GRIK2: variants seen among roughly 807,000 people sequenced by gnomAD.
The protein encoded by GRIK2 is glutamate receptor ionotropic, kainate 2.
A neutral mutation model predicts 100.3 loss-of-function variants in GRIK2; 32 were observed. That is an observed-to-expected ratio of 0.32 (90% CI 0.24 to 0.43). GRIK2 has a LOEUF of 0.43. Ranked by LOEUF, GRIK2 falls within the 20% of genes least tolerant of loss-of-function variation. GRIK2 has a pLI of 1.00. For missense variants in GRIK2, 843 were observed against 1,114.9 expected, an observed-to-expected ratio of 0.76 and a Z score of 3.47; for synonymous variants, 417 against 389.4, an observed-to-expected ratio of 1.07 and a Z score of -0.83.
chr6:101,456,271 T>C (rs1194764687), intron 2 of GRIK2, among the ~76,000 whole-genome samples: 2 of 151,984 alleles, frequency 1.3e-5, no homozygotes, highest in Non-Finnish European at 2.9e-5. Context: ...GACCCAGAAA[T>C]TAGGTCTGAA....
At chr6:101,455,057 CCT>C in intron 2 of GRIK2, among the ~76,000 whole-genome samples, 1 of 152,040 alleles carries the variant, frequency 6.6e-6, no homozygotes, top group African/African-American at 2.4e-5. Flanking sequence ...CTACATTTTA[CCT>C]ACTGGATTTG....
At chr6:101,895,568 AATT>A (rs1185191011) in intron 12 of GRIK2, among the ~76,000 whole-genome samples, 9 of 151,768 alleles carry the variant, frequency 5.9e-5, no homozygotes, top group Non-Finnish European at 1.5e-5. Flanking sequence ...GACAACATTG[AATT>A]ATTATGCACT....
chr6:101,947,311 A>T (rs1263147660), intron 14 of GRIK2, among the ~76,000 whole-genome samples: 1 of 152,130 alleles, frequency 6.6e-6, no homozygotes, highest in Non-Finnish European at 1.5e-5. Context: ...TAATGAGGGA[A>T]ATATTATCAT....
At chr6:101,673,991 C>T (rs2051444) in intron 4 of GRIK2, among the ~76,000 whole-genome samples, 15,745 of 152,152 alleles carry the variant, frequency 0.1, 1,055 homozygotes, top group East Asian at 0.3. Flanking sequence ...TTGTTAGATG[C>T]ATTATTAAAT....
At chr6:101,444,052 G>A (rs1770230379) in intron 2 of GRIK2, among the ~76,000 whole-genome samples, 1 of 150,558 alleles carries the variant, frequency 6.6e-6, no homozygotes, top group Admixed American at 6.6e-5. Flanking sequence ...GCCCAGCCCA[G>A]CTGATTTTCC....
At chr6:101,803,267 A>T (rs372152395) in intron 9 of GRIK2, among the ~76,000 whole-genome samples, 1 of 151,878 alleles carries the variant, frequency 6.6e-6, no homozygotes. Context: ...GAAACTGAAG[A>T]GGAAAGCTGA....
intron 2 of GRIK2, among the ~76,000 whole-genome samples, chr6:101,468,140 C>G (rs1026371929): frequency 1.3e-5 from 2 of 152,046 alleles, no homozygotes; most frequent in Non-Finnish European, 2.9e-5. Flanking sequence ...CAAGGGACTG[C>G]CCAGTGGGAA....
At chr6:101,933,056 T>C (rs924252282) in intron 14 of GRIK2, among the ~76,000 whole-genome samples, 6 of 151,994 alleles carry the variant, frequency 3.9e-5, no homozygotes, top group African/African-American at 1.4e-4. Flanking sequence ...TACTTTGGGC[T>C]AGAGGATCTT....
chr6:101,707,762 G>GC (rs1562324909), intron 7 of GRIK2, among the ~76,000 whole-genome samples: 1 of 151,334 alleles, frequency 6.6e-6, no homozygotes, highest in East Asian at 2.0e-4. Context: ...TTTAGCATTT[G>GC]ATGTATAGTC....
chr6:101,403,907 A>T (rs1434293282), intron 2 of GRIK2, among the ~76,000 whole-genome samples: 1 of 151,346 alleles, frequency 6.6e-6, no homozygotes, highest in Non-Finnish European at 1.5e-5. Flanking sequence ...ATCACACTTT[A>T]AAAAAATCAG....
At chr6:101,834,741 A>G (rs1189003955) in intron 10 of GRIK2, among the ~76,000 whole-genome samples, 1 of 152,158 alleles carries the variant, frequency 6.6e-6, no homozygotes, top group East Asian at 1.9e-4. Context: ...TGGTTTTTTT[A>G]AATATCACCT....
chr6:102,035,313 G>T (rs117663092), intron 14 of GRIK2, 28 bp from the exon 15 acceptor site: 2 of 1,350,808 alleles, frequency 1.5e-6, no homozygotes, highest in South Asian at 2.4e-5. Flanking sequence ...TAACTTTCTC[G>T]TGACCAACTT....
chr6:101,958,616 G>T (rs1397299404), intron 14 of GRIK2, among the ~76,000 whole-genome samples: 1 of 152,106 alleles, frequency 6.6e-6, no homozygotes, highest in East Asian at 1.9e-4. Flanking sequence ...TTTTTAAAGA[G>T]AATGTTTTCA....
intron 7 of GRIK2, among the ~76,000 whole-genome samples, chr6:101,701,319 C>A (rs1772878279): frequency 6.6e-6 from 1 of 152,014 alleles, no homozygotes. Context: ...GCCCTTGTTT[C>A]TCAGTAGTCA....
intron 7 of GRIK2, among the ~76,000 whole-genome samples, chr6:101,703,774 G>C (rs2128354226): frequency 6.6e-6 from 1 of 151,598 alleles, no homozygotes; most frequent in South Asian, 2.1e-4. Flanking sequence ...TGAAATCTAA[G>C]GAAGGGACAC....
intron 14 of GRIK2, among the ~76,000 whole-genome samples, chr6:102,007,804 G>T (rs776603441): frequency 3.4e-4 from 52 of 152,166 alleles, no homozygotes; most frequent in African/African-American, 1.2e-3. Context: ...CTGGGATTAA[G>T]TAGATGGCAA....
rs1037614227 is a variant in GRIK2, at chr6:101,454,588, A to G, written c.115+55196A>G. On this transcript the variant is annotated intron_variant, in intron 2 of 16. Transcript: ENST00000369134. ...ACTGGTTATAGCAATAGGTCCAGCCATGAGACTGCTTGTCCTATACTGAGA... is the reference window on the plus strand; with the variant it reads ...ACTGGTTATAGCAATAGGTCCAGCCGTGAGACTGCTTGTCCTATACTGAGA... Among the ~76,000 whole-genome samples, 6 of 152,294 alleles carry G rather than the reference A, an allele frequency of 3.9e-5. No homozygotes were observed. In the South Asian group the frequency reaches 1.2e-3, roughly 32 times the overall value.
intron 4 of GRIK2, among the ~76,000 whole-genome samples, chr6:101,675,329 CGA>C (rs1770755341): frequency 6.8e-6 from 1 of 146,500 alleles, no homozygotes; most frequent in Non-Finnish European, 1.5e-5. Context: ...CACACACACT[CGA>C]GAAACAGAGA....
intron 10 of GRIK2, among the ~76,000 whole-genome samples, chr6:101,821,646 C>G (rs1336681011): frequency 2.0e-5 from 3 of 151,716 alleles, no homozygotes; most frequent in Non-Finnish European, 2.9e-5. Context: ...ATTTTTATAC[C>G]TTTTAGTTAA....
Sources: allele counts gnomAD v4.1 joint callset (sites outside exome capture counted in the v4.1 genomes callset), GRCh38; gene constraint gnomAD v4.1.1; transcripts MANE v1.5; gene names NCBI Gene and HGNC (gene_info 2026-07-23, HGNC 2026-07-21).